Variants in NBPF9 observed in about 807,000 individuals in gnomAD.
The protein encoded by NBPF9 is NBPF family member NBPF9.
Under a neutral mutation model 97.8 loss-of-function variants are expected in NBPF9, and 91 were observed. The observed-to-expected ratio is 0.93, with a 90% CI of 0.79 to 1.11. The LOEUF is 1.11. Ranked by LOEUF, NBPF9 falls within the 50% of genes least tolerant of loss-of-function variation. The pLI is 0.00. For missense variants in NBPF9, 992 were observed against 939.5 expected (o/e 1.06, Z -0.73); for synonymous variants, 334 against 359.5 (o/e 0.93, Z 0.80).
At chr1:149,094,995 T>A (rs1339500296) in intron 4 of NBPF9, among the ~76,000 whole-genome samples, 1 of 146,838 alleles carries the variant, frequency 6.8e-6, no homozygotes, top group African/African-American at 2.7e-5. Context: ...GTTACTACAA[T>A]GATCTCAACC....
intron 14 of NBPF9, 135 bp from the exon 15 acceptor site, chr1:149,071,811 T>A: frequency 1.6e-6 from 1 of 638,120 alleles, no homozygotes; most frequent in Non-Finnish European, 2.8e-6. Flanking sequence ...GTTTTATCTT[T>A]AACAGAATGC....
intron 9 of NBPF9, 85 bp downstream of exon 9, chr1:149,078,922 T>C (rs78960656): frequency 0.049 from 76,450 of 1,564,402 alleles, 4,477 homozygotes; most frequent in East Asian, 0.43. Flanking sequence ...ACCCCACTGA[T>C]ACAACTGTCA....
chr1:149,084,118 C>T (rs1448534376), intron 5 of NBPF9, among the ~76,000 whole-genome samples: 1 of 150,792 alleles, frequency 6.6e-6, no homozygotes, highest in Non-Finnish European at 1.5e-5. Flanking sequence ...CACTTGGACA[C>T]AGGACGGGGA....
Position 149,073,763 on chromosome 1 carries a change from C to G in NBPF9, c.1091+5G>C, listed in dbSNP as rs1464768167. ...CCCCTGCCTGCCCCCATGGGGTCCC[C>G]TCACCTGAGCTCCTCAGCTTGCTTC... On this transcript the variant is annotated splice_donor_5th_base_variant and intron_variant, in intron 13 of 29. Transcript: ENST00000584027. The G allele has an allele frequency of 1.1e-5, 17 of 1,579,348 alleles. No individual in the cohort carries two copies. The highest frequency in any genetic ancestry group is 1.7e-5 in the Admixed American group (1 of 59,690).
Position 149,060,719 on chromosome 1 carries a change from G to C in NBPF9, c.2304-24C>G. 3 of 352,960 alleles carry C rather than the reference G, an allele frequency of 8.5e-6. 1 individual carries two copies. The South Asian group carries it at 8.6e-5, about 10-fold the overall frequency. 21.9% of individuals were successfully genotyped at this position (352,960 alleles called of 1,614,324 possible). On this transcript the variant is annotated intron_variant, in intron 23 of 29. Transcript: ENST00000584027. Reference sequence around the variant, plus strand: ...GCCTGGAAAAGGAGGAAAAAGTAAAGAATAAGCCAGGGGAAATCAGACACA... The same window carrying C: ...GCCTGGAAAAGGAGGAAAAAGTAAACAATAAGCCAGGGGAAATCAGACACA...
At chr1:149,055,817 A>T (rs782802486) in exon 30 of NBPF9, 3 of 1,608,666 alleles carry the variant, frequency 1.9e-6, no homozygotes, top group Non-Finnish European at 2.5e-6. Context: ...AGTTCAAAGT[A>T]CATTGACGGA....
Position 149,079,240 on chromosome 1 carries a change from G to T in NBPF9, c.279-19C>A, listed in dbSNP as rs1455520849. ...ATATTGCCTAAGGTGAGACGGTAGA[G>T]AAAATTTAAGAGTAGAAAGGGTTGA... On this transcript the variant is annotated intron_variant, in intron 8 of 29. Transcript: ENST00000584027. The T allele has an allele frequency of 1.2e-6, 1 of 825,680 alleles. No homozygotes were observed. The highest frequency in any genetic ancestry group is 2.1e-6 in the Non-Finnish European group (1 of 467,212). The allele number at this position is 825,680 out of a possible 1,614,324, so 51.1% of individuals were successfully genotyped here. A position where few individuals can be genotyped will look rare whatever the true frequency, so the allele number is the denominator to read the frequency against.
chr1:149,102,741 G>C (rs1373485305), exon 2 of NBPF9: 1 of 151,508 alleles, frequency 6.6e-6, no homozygotes, highest in African/African-American at 2.4e-5. Flanking sequence ...GAAATCCTGC[G>C]GTGAATTAGA....
chr1:149,055,302 C>A (rs1241540191), exon 30 of NBPF9: 25 of 427,548 alleles, frequency 5.8e-5, no homozygotes, highest in Non-Finnish European at 1.0e-4. Flanking sequence ...GAGCTAAACA[C>A]AAAGATGACA....
intron 17 of NBPF9, among the ~76,000 whole-genome samples, chr1:149,068,938 C>A (rs1175927698): frequency 1.3e-5 from 2 of 151,900 alleles, no homozygotes; most frequent in Non-Finnish European, 2.9e-5. Flanking sequence ...GACCACAGTG[C>A]AATCAAATTA....
intron 12 of NBPF9, among the ~76,000 whole-genome samples, chr1:149,074,270 CT>C (rs2079661322): frequency 6.6e-6 from 1 of 151,266 alleles, no homozygotes; most frequent in South Asian, 2.1e-4. Context: ...GACTATGGGA[CT>C]GATGGTTTCC....
chr1:149,069,113 A>G (rs587704515), intron 17 of NBPF9, among the ~76,000 whole-genome samples: 1 of 152,244 alleles, frequency 6.6e-6, no homozygotes, highest in Admixed American at 6.5e-5. Context: ...TCTGGGACAC[A>G]TTTAAAGCAA....
At chr1:149,070,539 G>T (rs1227111056) in intron 16 of NBPF9, among the ~76,000 whole-genome samples, 2 of 150,428 alleles carry the variant, frequency 1.3e-5, no homozygotes, top group African/African-American at 4.9e-5. Flanking sequence ...AGTGAAGCCT[G>T]GGGAACGATA....
At chr1:149,076,792 C>G (rs2079912792) in intron 11 of NBPF9, among the ~76,000 whole-genome samples, 3 of 151,042 alleles carry the variant, frequency 2.0e-5, no homozygotes, top group Admixed American at 2.0e-4. Flanking sequence ...ACAGGTGTGA[C>G]CCACTGCGCC....
intron 8 of NBPF9, among the ~76,000 whole-genome samples, chr1:149,079,505 C>CT (rs1167356752): frequency 1.3e-5 from 2 of 150,574 alleles, no homozygotes; most frequent in Non-Finnish European, 2.9e-5. Context: ...AGAAAGACAT[C>CT]TTTTCAGTTC....
intron 5 of NBPF9, among the ~76,000 whole-genome samples, chr1:149,084,142 G>A (rs2080770067): frequency 4.0e-5 from 6 of 150,078 alleles, no homozygotes; most frequent in Middle Eastern, 3.5e-3. Context: ...TCACACACCA[G>A]GGCCTGTCAT....
In NBPF9 at chr1:149,062,260, C is replaced by T. The variant is rs587744416; in HGVS notation, c.2084G>A (p.Ser695Asn). 15 of 801,054 alleles carry T rather than the reference C, an allele frequency of 1.9e-5. No homozygotes were observed. In the African/African-American group the frequency reaches 2.1e-4, roughly 11 times the overall value. 49.6% of individuals were successfully genotyped at this position (801,054 alleles called of 1,614,324 possible). A position where few individuals can be genotyped will look rare whatever the true frequency, so the allele number is the denominator to read the frequency against. The change falls in exon 22 of 30, where the codon AGC becomes AAC. Residue 695 changes from serine to asparagine, a missense_variant. By Grantham distance (46) the Ser-to-Asn change is conservative. Transcript: ENST00000584027. ...CTCTTTCTCATCCAGCAGCTCCCTGCTGAGCCTGGAAAAGTAGGAAAAAGT... is the reference window on the plus strand; with the variant it reads ...CTCTTTCTCATCCAGCAGCTCCCTGTTGAGCCTGGAAAAGTAGGAAAAAGT...
chr1:149,055,617 G>C (rs781791031), exon 30 of NBPF9: 3 of 1,611,344 alleles, frequency 1.9e-6, no homozygotes, highest in Non-Finnish European at 2.5e-6. Flanking sequence ...TATAGGTCCT[G>C]CCTGCAGGAA....
At chr1:149,082,104 C>G (rs1553656963) in exon 7 of NBPF9, 1 of 1,611,444 alleles carries the variant, frequency 6.2e-7, no homozygotes, top group Non-Finnish European at 8.5e-7. Flanking sequence ...TCATCTCTGC[C>G]TTCTCGCTGG....
Sources: allele counts gnomAD v4.1 joint callset (sites outside exome capture counted in the v4.1 genomes callset), GRCh38; gene constraint gnomAD v4.1.1; transcripts MANE v1.5; gene names NCBI Gene and HGNC (gene_info 2026-07-23, HGNC 2026-07-21).